The following PDGFRB variants were observed in gnomAD, a reference collection of about 807,000 sequenced individuals.
PDGFRB encodes platelet derived growth factor receptor beta.
In PDGFRB, 42 loss-of-function variants were observed where a neutral mutation model predicts 120.2. The observed-to-expected ratio is 0.35, with a 90% CI of 0.27 to 0.45. The LOEUF (loss-of-function observed/expected upper bound fraction) is 0.45. PDGFRB is among the 20% of genes least tolerant of loss of function. PDGFRB has a pLI of 1.00. For missense variants in PDGFRB, 1,149 were observed against 1,476.3 expected, an observed-to-expected ratio of 0.78 and a Z score of 3.63; for synonymous variants, 586 against 606.8, an observed-to-expected ratio of 0.97 and a Z score of 0.50.
At chr5:150,117,544 G>GCACGCA in intron 22 of PDGFRB, 74 bp downstream of exon 22, 3 of 513,908 alleles carry the variant, frequency 5.8e-6, no homozygotes, top group South Asian at 2.6e-5. Context: ...GCGCGCGCGC[G>GCACGCA]CACACACACA....
At chr5:150,151,809 C>T (rs6895900) in intron 1 of PDGFRB, among the ~76,000 whole-genome samples, 2 of 147,844 alleles carry the variant, frequency 1.4e-5, no homozygotes, top group Non-Finnish European at 3.0e-5. Context: ...TTGCGGTGAG[C>T]CAAGATCATA....
At chr5:150,152,706 A>C (rs1261562754) in intron 1 of PDGFRB, among the ~76,000 whole-genome samples, 3 of 151,092 alleles carry the variant, frequency 2.0e-5, no homozygotes, top group Non-Finnish European at 4.4e-5. Context: ...GGATCTTTGG[A>C]ACATACATGG....
Position 150,135,581 on chromosome 5 carries a change from C to T in PDGFRB, c.338G>A (p.Arg113Gln), listed in dbSNP as rs764662524. The T allele has an allele frequency of 2.9e-5, 46 of 1,611,040 alleles. No individual in the cohort carries two copies. The highest frequency in any genetic ancestry group is 5.5e-5 in the South Asian group (5 of 90,590). The change falls in exon 3 of 23, where the codon CGG becomes CAG. Residue 113 changes from arginine to glutamine, a missense_variant. Arg to Gln is a conservative substitution (Grantham distance 43, BLOSUM62 1). Coordinates refer to ENST00000261799, the MANE Select transcript of PDGFRB (RefSeq NM_002609.4). ...TGGCACAAAGATGTAGAGCCGTTTC[C>T]GCTCATCGGTCTCCAGTCCACGGGA... Reference protein sequence around the residue: ...NDSRGLETDERKRLYIFVPDP... With the variant: ...NDSRGLETDEQKRLYIFVPDP...
intron 1 of PDGFRB, among the ~76,000 whole-genome samples, chr5:150,150,791 C>T (rs574444057): frequency 6.6e-6 from 1 of 152,166 alleles, no homozygotes; most frequent in Admixed American, 6.5e-5. Context: ...TCCATTCCCC[C>T]CCTCACCTCT....
At chr5:150,144,085 T>C (rs1032191006) in intron 1 of PDGFRB, among the ~76,000 whole-genome samples, 2 of 151,982 alleles carry the variant, frequency 1.3e-5, no homozygotes, top group Non-Finnish European at 2.9e-5. Context: ...CCAAACTGGA[T>C]GGAAGAATAG....
chr5:150,135,655 G>A lies in PDGFRB; in HGVS notation c.264C>T (p.Thr88=). The change falls in exon 3 of 23, where the codon ACC becomes ACT. Residue 88 remains threonine (T), a synonymous_variant. Transcript: ENST00000261799. ...DGTFSSVLTL[T]NLTGLDTGEY... ...CTCCCGTGTCTAGCCCAGTGAGGTTGGTCAGTGTGAGCACGCTGGAGAAGG... is the reference window on the plus strand; with the variant it reads ...CTCCCGTGTCTAGCCCAGTGAGGTTAGTCAGTGTGAGCACGCTGGAGAAGG... 1 of 1,613,782 alleles carries A rather than the reference G, an allele frequency of 6.2e-7. No homozygotes were observed. The highest frequency in any genetic ancestry group is 8.5e-7 in the Non-Finnish European group (1 of 1,179,648).
intron 10 of PDGFRB, among the ~76,000 whole-genome samples, chr5:150,128,122 C>T (rs79880108): frequency 0.019 from 2,832 of 152,286 alleles, 73 homozygotes; most frequent in South Asian, 0.058. Flanking sequence ...AGGCAGCCAT[C>T]GCTGGAGGCA....
chr5:150,132,907 T>G lies in PDGFRB; in HGVS notation c.970A>C (p.Thr324Pro), dbSNP rs2113907186. The G allele has an allele frequency of 6.3e-7, 1 of 1,580,674 alleles. No individual in the cohort carries two copies. Among genetic ancestry groups the G allele is most frequent in the Non-Finnish European group, 8.6e-7 (1 of 1,164,602 alleles). The change falls in exon 7 of 23, where the codon ACA becomes CCA. Residue 324 changes from threonine to proline, a missense_variant. Around this residue, in one of 3 missense-constraint regions of PDGFRB, gnomAD observed 879 missense variants for 1,108.6 expected, o/e 0.79. Coordinates refer to ENST00000261799, the MANE Select transcript of PDGFRB (RefSeq NM_002609.4). The surrounding 1 kb of genome is among the most constrained non-coding windows in gnomAD (Gnocchi z 5.0). Reference sequence around the variant, plus strand: ...CGATGCAGCTCAGCAAATTGTAGTGTGCCCACCTCTCCCAGGAGCCGCACG... The same window carrying G: ...CGATGCAGCTCAGCAAATTGTAGTGGGCCCACCTCTCCCAGGAGCCGCACG... ...GYVRLLGEVG[T>P]LQFAELHRSR...
At position 150,115,905 on chromosome 5, in the gene PDGFRB, C is replaced by G. The variant is rs1304869438; in HGVS notation, c.3179G>C (p.Cys1060Ser). The change falls in exon 23 of 23, where the codon TGT (cysteine) becomes TCT (serine). Residue 1060 changes from cysteine to serine, a missense_variant. Cys to Ser is a moderately radical substitution (Grantham distance 112). Transcript: ENST00000261799. ...GTCCTGGGGCTCCAGGGGGCTGTCA[C>G]AGGAGATGGTTGAGGAGGTGTTGAC... is the stretch of plus-strand genomic sequence containing the variant. ...NEVNTSSTIS[C>S]DSPLEPQDEP... 6.2e-7 allele frequency: 1 copy of G among 1,600,408 alleles called. No homozygotes were observed. Among genetic ancestry groups the G allele is most frequent in the Non-Finnish European group, 8.5e-7 (1 of 1,172,468 alleles).
chr5:150,153,060 C>T (rs1263033491), intron 1 of PDGFRB, among the ~76,000 whole-genome samples: 4 of 152,336 alleles, frequency 2.6e-5, no homozygotes, highest in Middle Eastern at 3.4e-3. Flanking sequence ...CTCCCAGCTG[C>T]GGAAGGAGCC....
In PDGFRB at chr5:150,133,692, C is replaced by G; in HGVS notation, c.828G>C (p.Leu276=). The G allele has an allele frequency of 1.2e-6, 2 of 1,614,022 alleles. No individual in the cohort carries two copies. The highest frequency in any genetic ancestry group is 1.7e-6 in the Non-Finnish European group (2 of 1,179,944). ...CTTCTAACTCGGCACTGGGGATGTG[C>G]AGGATGGAGCGGATGTGGTAAGGCA... ...LDMPYHIRSI[L]HIPSAELEDS... Residue 276 remains leucine, a synonymous_variant, in exon 6 of 23, where the codon CTG becomes CTC. Coordinates refer to ENST00000261799, the MANE Select transcript of PDGFRB (RefSeq NM_002609.4).
At chr5:150,142,332 C>T (rs966097717) in intron 1 of PDGFRB, among the ~76,000 whole-genome samples, 2 of 152,152 alleles carry the variant, frequency 1.3e-5, no homozygotes, top group Non-Finnish European at 2.9e-5. Flanking sequence ...CTATAGCTGC[C>T]CCTGCCCTCT....
intron 12 of PDGFRB, 142 bp downstream of exon 12, chr5:150,125,303 G>A (rs1760262790): frequency 1.6e-6 from 1 of 640,330 alleles, no homozygotes; most frequent in African/African-American, 1.8e-5. Flanking sequence ...ATTGTACATA[G>A]TAGGAGATGG....
At chr5:150,127,860 C>A (rs1485573275) in intron 10 of PDGFRB, among the ~76,000 whole-genome samples, 216 of 76,482 alleles carry the variant, frequency 2.8e-3, no homozygotes, top group South Asian at 3.6e-3. Context: ...AAAAAAAAAA[C>A]TTTGGATGCT....
intron 1 of PDGFRB, among the ~76,000 whole-genome samples, chr5:150,147,492 G>A (rs1760958158): frequency 6.6e-6 from 1 of 152,182 alleles, no homozygotes; most frequent in South Asian, 2.1e-4. Context: ...GTGGGCAGGG[G>A]ACAGGCAGGC....
rs774734646 is a variant in PDGFRB at position 150,113,932 on chromosome 5, C to G, written c.*1831G>C. 12 of 233,268 alleles carry G rather than the reference C, an allele frequency of 5.1e-5. No homozygotes were observed. Among genetic ancestry groups the G allele is most frequent in the Non-Finnish European group, 1.0e-4 (12 of 117,904 alleles). The allele number at this position is 233,268 out of a possible 1,614,324, so 14.4% of individuals were successfully genotyped here. A position where few individuals can be genotyped will look rare whatever the true frequency, so the allele number is the denominator to read the frequency against. ...CTCAACAGCATACAAAATAGCATTT[C>G]TGCTGTATAAATGTGAGTTAACGTG... On this transcript the variant is annotated 3_prime_UTR_variant, in exon 23 of 23. Transcript: ENST00000261799.
At position 150,121,433 on chromosome 5, in the gene PDGFRB, C is replaced by T. The variant is rs369128901; in HGVS notation, c.2345-111G>A. ...ATGTCCAAGACAGGTGGCTACTGAT[C>T]GTCTAGGTCTCCCCTAAAAGGAGAA... On this transcript the variant is annotated intron_variant, in intron 16 of 22. Transcript: ENST00000261799. The surrounding 1 kb of genome is among the most constrained non-coding windows in gnomAD (Gnocchi z 4.1). 1.8e-4 allele frequency: 133 copies of T among 733,028 alleles called. 1 individual carries two copies. The highest frequency in any genetic ancestry group is 1.1e-3 in the African/African-American group (65 of 57,776). The allele number at this position is 733,028 out of a possible 1,614,324, so 45.4% of individuals were successfully genotyped here.
chr5:150,131,699 A>G (rs536121184), intron 8 of PDGFRB, among the ~76,000 whole-genome samples: 189 of 152,318 alleles, frequency 1.2e-3, no homozygotes, highest in African/African-American at 4.4e-3. Context: ...ATAGTACAGT[A>G]TAAGTGGAAT....
Position 150,120,482 on chromosome 5 carries a change from G to A in PDGFRB, c.2587-359C>T, listed in dbSNP as rs985361027. 1.3e-5 allele frequency among the ~76,000 whole-genome samples: 2 copies of A among 152,142 alleles called. No homozygotes were observed. Among genetic ancestry groups the A allele is most frequent in the Admixed American group, 6.5e-5 (1 of 15,278 alleles). ...TAGCGTCCCTCCATCTGGGGTTTGC[G>A]GAAAAGTGGGGAGATGAGAGACAGG... On this transcript the variant is annotated intron_variant, in intron 18 of 22. Transcript: ENST00000261799. The surrounding 1 kb of genome is among the most constrained non-coding windows in gnomAD (Gnocchi z 4.3).
Sources: allele counts gnomAD v4.1 joint callset (sites outside exome capture counted in the v4.1 genomes callset), GRCh38; gene constraint gnomAD v4.1.1; regional missense constraint gnomAD v4.1.1; non-coding constraint Gnocchi (gnomAD v3.1); transcripts MANE v1.5; gene names NCBI Gene and HGNC (gene_info 2026-07-23, HGNC 2026-07-21).